Variants in DNAJB14 observed in about 807,000 individuals in gnomAD.
The protein encoded by DNAJB14 is DnaJ heat shock protein family (Hsp40) member B14, also known as dnaJ homolog subfamily B member 14.
A neutral mutation model predicts 48.4 loss-of-function variants in DNAJB14; 22 were observed. The ratio of observed to expected loss-of-function variants is 0.45; its 90% CI spans 0.32 to 0.65. The LOEUF (loss-of-function observed/expected upper bound fraction) is 0.65. DNAJB14 is among the 30% of genes least tolerant of loss of function. The pLI, the probability that DNAJB14 is intolerant of heterozygous loss-of-function variation, is 0.03. For synonymous variants in DNAJB14, 142 were observed against 158.7 expected (o/e 0.89, Z 0.79); for missense variants, 319 against 458.8 (o/e 0.70, Z 2.78).
chr4:99,922,476 A>C (rs1223467145), intron 3 of DNAJB14: 1 of 152,156 alleles, frequency 6.6e-6, no homozygotes, highest in Admixed American at 6.5e-5. Context: ...TTAAATTGGC[A>C]AAAAATTTAA....
In DNAJB14 at chr4:99,899,576, A is replaced by G. The variant is rs1725228392; in HGVS notation, c.*1452T>C. 1 of 152,330 alleles carries G rather than the reference A, an allele frequency of 6.6e-6. No individual in the cohort carries two copies. Among genetic ancestry groups the G allele is most frequent in the Non-Finnish European group, 1.5e-5 (1 of 67,800 alleles). 9.4% of individuals were successfully genotyped at this position (152,330 alleles called of 1,614,324 possible). A position where few individuals can be genotyped will look rare whatever the true frequency, so the allele number is the denominator to read the frequency against. ...GGTCATTTTAGCAGTTTTATTCAAC[A>G]GATGCCATAAATTAACTACATTCAG... On this transcript the variant is annotated 3_prime_UTR_variant, in exon 8 of 8. Coordinates refer to ENST00000442697, the MANE Select transcript of DNAJB14 (RefSeq NM_001031723.4).
chr4:99,902,826 TCA>T (rs1018745736), intron 7 of DNAJB14, among the ~76,000 whole-genome samples: 1 of 152,152 alleles, frequency 6.6e-6, no homozygotes, highest in African/African-American at 2.4e-5. Context: ...TCTCTTTGCT[TCA>T]GTTTCTTCAT....
chr4:99,922,101 C>T (rs1248662067), intron 3 of DNAJB14, among the ~76,000 whole-genome samples: 1 of 152,170 alleles, frequency 6.6e-6, no homozygotes, highest in Non-Finnish European at 1.5e-5. Flanking sequence ...TGGTATTTTA[C>T]TTTCACCAGC....
At chr4:99,935,083 G>A (rs565397253) in intron 1 of DNAJB14, among the ~76,000 whole-genome samples, 1 of 151,490 alleles carries the variant, frequency 6.6e-6, no homozygotes, top group South Asian at 2.1e-4. Flanking sequence ...GAGTACTGAA[G>A]AAAAACAAAA....
chr4:99,930,354 C>T, intron 2 of DNAJB14, 96 bp downstream of exon 2: 4 of 1,280,988 alleles, frequency 3.1e-6, no homozygotes, highest in Non-Finnish European at 4.3e-6. Context: ...GATGTCTATT[C>T]TTCTAATGTT....
chr4:99,911,743 ATTTTAC>A (rs1047711696), intron 3 of DNAJB14, among the ~76,000 whole-genome samples: 3 of 151,958 alleles, frequency 2.0e-5, no homozygotes, highest in East Asian at 1.9e-4. Flanking sequence ...ACTGTCTGTT[ATTTTAC>A]TTTTGAGTGT....
At chr4:99,935,192 A>G (rs2110219893) in intron 1 of DNAJB14, among the ~76,000 whole-genome samples, 1 of 152,344 alleles carries the variant, frequency 6.6e-6, no homozygotes, top group African/African-American at 2.4e-5. Context: ...AGAATAACTA[A>G]CACCAAGACA....
At chr4:99,911,641 A>G (rs910311360) in intron 3 of DNAJB14, among the ~76,000 whole-genome samples, 1 of 152,230 alleles carries the variant, frequency 6.6e-6, no homozygotes, top group African/African-American at 2.4e-5. Flanking sequence ...ATGACTAATG[A>G]ATGACAGAGA....
rs1273809368 is a variant in DNAJB14, at chr4:99,896,285, A to C, written c.*4743T>G. 6.6e-6 allele frequency: 1 copy of C among 152,216 alleles called. No homozygotes were observed. Among genetic ancestry groups the C allele is most frequent in the African/African-American group, 2.4e-5 (1 of 41,460 alleles). The allele number at this position is 152,216 out of a possible 1,614,324, so 9.4% of individuals were successfully genotyped here. On this transcript the variant is annotated 3_prime_UTR_variant, in exon 8 of 8. Transcript: ENST00000442697. ...AACAGACCTTTTTATTAATATATTG[A>C]GATAAACTACAGAGACTGAAAGACA...
intron 1 of DNAJB14, among the ~76,000 whole-genome samples, chr4:99,944,465 G>A (rs1026851510): frequency 6.6e-6 from 1 of 152,092 alleles, no homozygotes; most frequent in Non-Finnish European, 1.5e-5. Flanking sequence ...ATAGCCAAGA[G>A]GTGAAAGGAA....
intron 3 of DNAJB14, among the ~76,000 whole-genome samples, chr4:99,914,964 G>A (rs950494733): frequency 6.6e-5 from 10 of 151,996 alleles, no homozygotes; most frequent in African/African-American, 1.9e-4. Context: ...AACCAGCTCT[G>A]TTTCATTGAT....
In DNAJB14 at chr4:99,900,229, G is replaced by C. The variant is rs1560727880; in HGVS notation, c.*799C>G. ...ACATCAAAATTTGGTGGCCTTTAAA[G>C]TATTGGAATTTTAAATGACATAACT... On this transcript the variant is annotated 3_prime_UTR_variant, in exon 8 of 8. Transcript: ENST00000442697. 1 of 152,146 alleles carries C rather than the reference G, an allele frequency of 6.6e-6. No homozygotes were observed. Among genetic ancestry groups the C allele is most frequent in the Non-Finnish European group, 1.5e-5 (1 of 67,860 alleles). The allele number at this position is 152,146 out of a possible 1,614,324, so 9.4% of individuals were successfully genotyped here. A position where few individuals can be genotyped will look rare whatever the true frequency, so the allele number is the denominator to read the frequency against.
At chr4:99,912,798 G>A (rs528921829) in intron 3 of DNAJB14, among the ~76,000 whole-genome samples, 7 of 152,180 alleles carry the variant, frequency 4.6e-5, no homozygotes, top group African/African-American at 1.4e-4. Context: ...TCTTTACTAT[G>A]TTGAATCTTC....
At chr4:99,930,749 T>A in intron 1 of DNAJB14, 128 bp from the exon 2 acceptor site, 1 of 960,406 alleles carries the variant, frequency 1.0e-6, no homozygotes, top group South Asian at 2.1e-5. Flanking sequence ...AGGATCTTTT[T>A]AATTAGCACG....
chr4:99,929,273 A>C (rs1188166826), intron 2 of DNAJB14: 1 of 152,164 alleles, frequency 6.6e-6, no homozygotes, highest in African/African-American at 2.4e-5. Context: ...TTCTATTTTT[A>C]GTAGAAATGA....
chr4:99,944,208 T>C (rs1402850473), intron 1 of DNAJB14, among the ~76,000 whole-genome samples: 1 of 152,106 alleles, frequency 6.6e-6, no homozygotes, highest in African/African-American at 2.4e-5. Context: ...CACCTCCCAC[T>C]CAAGGATGGG....
rs1185383452 is a variant in DNAJB14, at chr4:99,897,143, T to C, written c.*3885A>G. The C allele has an allele frequency of 6.7e-6, 1 of 149,960 alleles. No individual in the cohort carries two copies. Among genetic ancestry groups the C allele is most frequent in the East Asian group, 1.9e-4 (1 of 5,142 alleles). 9.3% of individuals were successfully genotyped at this position (149,960 alleles called of 1,614,324 possible). A position where few individuals can be genotyped will look rare whatever the true frequency, so the allele number is the denominator to read the frequency against. On this transcript the variant is annotated 3_prime_UTR_variant, in exon 8 of 8. Coordinates refer to ENST00000442697, the MANE Select transcript of DNAJB14 (RefSeq NM_001031723.4). ...GAAGCCCTGCTCTGTGCAAACATAG[T>C]GTGGTATATATTAAACAATCACACA...
chr4:99,915,442 AG>A (rs555707696), intron 3 of DNAJB14, among the ~76,000 whole-genome samples: 1 of 152,226 alleles, frequency 6.6e-6, no homozygotes, highest in Admixed American at 6.5e-5. Flanking sequence ...TGGCCAAGTT[AG>A]ATCAATATGT....
At chr4:99,931,584 T>C (rs1195395479) in intron 1 of DNAJB14, among the ~76,000 whole-genome samples, 3 of 152,040 alleles carry the variant, frequency 2.0e-5, no homozygotes, top group Admixed American at 6.5e-5. Flanking sequence ...TAAGAAATCA[T>C]TGAGGATACA....
Sources: gnomAD v4.1 joint callset for allele counts (sites outside exome capture counted in the v4.1 genomes callset) on GRCh38, gnomAD v4.1.1 for gene constraint, MANE v1.5 for transcripts, NCBI Gene and HGNC (gene_info 2026-07-23, HGNC 2026-07-21) for gene names.